The following DOCK3 variants were observed in gnomAD, a reference collection of about 807,000 sequenced individuals.
DOCK3 encodes the protein dedicator of cytokinesis 3.
In DOCK3, 60 loss-of-function variants were observed where a neutral mutation model predicts 265.6. The ratio of observed to expected loss-of-function variants is 0.23; its 90% CI spans 0.18 to 0.28. The LOEUF (loss-of-function observed/expected upper bound fraction) is 0.28, where lower values mean the gene tolerates loss of function less well. Ranked by LOEUF, DOCK3 falls within the 10% of genes least tolerant of loss-of-function variation. The probability of loss-of-function intolerance (pLI) is 1.00; values close to 1 mark genes in which losing one functional copy is unlikely to be tolerated. For synonymous variants in DOCK3, 881 were observed against 938.0 expected (o/e 0.94, Z 1.11); for missense variants, 1,981 against 2,594.3 (o/e 0.76, Z 5.14).
intron 12 of DOCK3, among the ~76,000 whole-genome samples, chr3:51,199,478 G>A (rs1576386414): frequency 6.6e-6 from 1 of 152,244 alleles, no homozygotes; most frequent in African/African-American, 2.4e-5. Flanking sequence ...CGGCAGCGAG[G>A]CTGGGGGAGG....
chr3:50,756,904 T>G (rs1327134149), intron 1 of DOCK3, among the ~76,000 whole-genome samples: 1 of 152,168 alleles, frequency 6.6e-6, no homozygotes, highest in Admixed American at 6.6e-5. Flanking sequence ...AGACAGGATC[T>G]CAGTCTGTCA....
At chr3:51,310,427 G>C (rs1576753539) in intron 28 of DOCK3, 101 bp downstream of exon 28, 2 of 1,080,118 alleles carry the variant, frequency 1.9e-6, no homozygotes, top group East Asian at 5.2e-5. Flanking sequence ...GACAAATAAA[G>C]GCCAGGGCCA....
At chr3:50,798,415 A>G (rs187471119) in intron 2 of DOCK3, among the ~76,000 whole-genome samples, 2 of 152,326 alleles carry the variant, frequency 1.3e-5, no homozygotes, top group Admixed American at 1.3e-4. Context: ...GAGAATGAGA[A>G]AGGCCACCTA....
Position 50,914,310 on chromosome 3 carries a change from C to G in DOCK3, c.219-19671C>G, listed in dbSNP as rs529268111. ...TTGAGGTTGTTCATTTGAGAGCTTTCTACTTTTTTTATATTGGCATTGATT... is the reference window on the plus strand; with the variant it reads ...TTGAGGTTGTTCATTTGAGAGCTTTGTACTTTTTTTATATTGGCATTGATT... On this transcript the variant is annotated intron_variant, in intron 4 of 52. Transcript: ENST00000266037. 1.6e-4 allele frequency among the ~76,000 whole-genome samples: 24 copies of G among 151,976 alleles called. 1 individual carries two copies. Among genetic ancestry groups the G allele is most frequent in the African/African-American group, 5.6e-4 (23 of 41,412 alleles).
chr3:51,213,980 C>G lies in DOCK3; in HGVS notation c.1127-142C>G. On this transcript the variant is annotated intron_variant, in intron 13 of 52. Transcript: ENST00000266037. ...TTTCCAAAATGTTTCTTCAAAATAA[C>G]TTATACTGTCTGCATAAAAGTTTTT... The G allele has an allele frequency of 1.1e-5, 12 of 1,097,304 alleles. 1 individual carries two copies. The South Asian group carries it at 1.7e-4, about 16-fold the overall frequency. The allele number at this position is 1,097,304 out of a possible 1,614,324, so 68.0% of individuals were successfully genotyped here. A position where few individuals can be genotyped will look rare whatever the true frequency, so the allele number is the denominator to read the frequency against.
chr3:51,184,366 C>T (rs1322577325), intron 12 of DOCK3, among the ~76,000 whole-genome samples: 1 of 150,332 alleles, frequency 6.7e-6, no homozygotes, highest in Non-Finnish European at 1.5e-5. Context: ...AGATAAATGG[C>T]TGAGTCTAGG....
intron 27 of DOCK3, among the ~76,000 whole-genome samples, chr3:51,306,393 A>C (rs1004463983): frequency 1.3e-5 from 2 of 152,094 alleles, no homozygotes. Flanking sequence ...GCTCTATGCG[A>C]ATCTCTTTGA....
intron 1 of DOCK3, among the ~76,000 whole-genome samples, chr3:50,757,826 A>G (rs557494758): frequency 6.6e-6 from 1 of 152,208 alleles, no homozygotes; most frequent in African/African-American, 2.4e-5. Context: ...GCCTGTGGAT[A>G]TCTATTGAAA....
chr3:51,125,087 A>C (rs1299893387), intron 9 of DOCK3, among the ~76,000 whole-genome samples: 1 of 152,060 alleles, frequency 6.6e-6, no homozygotes, highest in East Asian at 1.9e-4. Flanking sequence ...ACGCCACTGC[A>C]CTCCAGCCTG....
chr3:51,006,525 C>T (rs1438640502), intron 5 of DOCK3, among the ~76,000 whole-genome samples: 1 of 152,266 alleles, frequency 6.6e-6, no homozygotes, highest in East Asian at 1.9e-4. Flanking sequence ...TCTACCTTTC[C>T]TTCACTCCTT....
At chr3:51,271,108 C>A in intron 24 of DOCK3, 101 bp downstream of exon 24, 1 of 1,334,998 alleles carries the variant, frequency 7.5e-7, no homozygotes, top group Non-Finnish European at 1.0e-6. Flanking sequence ...GTTTCCTCAA[C>A]GATTATGCAA....
intron 4 of DOCK3, among the ~76,000 whole-genome samples, chr3:50,927,224 G>A (rs546403693): frequency 4.5e-4 from 69 of 152,206 alleles, no homozygotes; most frequent in Non-Finnish European, 9.0e-4. Flanking sequence ...ATTTATTTCT[G>A]CCTCCTTCCT....
chr3:50,713,817 C>T (rs1217963610), intron 1 of DOCK3, among the ~76,000 whole-genome samples: 1 of 151,836 alleles, frequency 6.6e-6, no homozygotes, highest in East Asian at 1.9e-4. Flanking sequence ...ATTTTTGGCT[C>T]AATAAATGAT....
chr3:51,281,574 G>A (rs922946698), intron 27 of DOCK3, among the ~76,000 whole-genome samples: 1 of 151,838 alleles, frequency 6.6e-6, no homozygotes, highest in Non-Finnish European at 1.5e-5. Context: ...CAGATGTCAG[G>A]TCACTTTTTT....
intron 35 of DOCK3, among the ~76,000 whole-genome samples, chr3:51,337,342 G>A (rs957285943): frequency 6.6e-6 from 1 of 152,328 alleles, no homozygotes; most frequent in East Asian, 1.9e-4. Flanking sequence ...TGACCATCCA[G>A]AGGCTCAGTG....
At chr3:50,739,818 A>C (rs933790368) in intron 1 of DOCK3, among the ~76,000 whole-genome samples, 2 of 152,138 alleles carry the variant, frequency 1.3e-5, no homozygotes, top group Admixed American at 6.5e-5. Context: ...ATTGGCAACT[A>C]TACCTGTTGG....
chr3:50,762,270 A>AG lies in DOCK3; in HGVS notation c.38-16404dup, dbSNP rs1559606209. Among the ~76,000 whole-genome samples, 7 of 152,222 alleles carry AG rather than the reference A, an allele frequency of 4.6e-5. No homozygotes were observed. In the South Asian group the frequency reaches 1.5e-3, roughly 32 times the overall value. ...TAAAGTATAAAAAAAGAAAAAAAAAAGAATAGATAACCTTAAGGTAGGGAG... is the reference window on the plus strand; with the variant it reads ...TAAAGTATAAAAAAAGAAAAAAAAAAGGAATAGATAACCTTAAGGTAGGGAG... On this transcript the variant is annotated intron_variant, in intron 1 of 52. Transcript: ENST00000266037.
At chr3:50,877,626 A>G in intron 3 of DOCK3, 1 of 457,224 alleles carries the variant, frequency 2.2e-6, no homozygotes, top group South Asian at 1.6e-5. Flanking sequence ...GTGCACCATT[A>G]TCTAGGGCTT....
intron 5 of DOCK3, among the ~76,000 whole-genome samples, chr3:51,055,521 A>C (rs1181448586): frequency 6.6e-6 from 1 of 152,150 alleles, no homozygotes; most frequent in Non-Finnish European, 1.5e-5. Context: ...GCTTTTTATT[A>C]GTCTCCCTAA....
Sources: gnomAD v4.1 joint callset for allele counts (sites outside exome capture counted in the v4.1 genomes callset) on GRCh38, gnomAD v4.1.1 for gene constraint, MANE v1.5 for transcripts, NCBI Gene and HGNC (gene_info 2026-07-23, HGNC 2026-07-21) for gene names.